The following ABCB6 variants were observed in gnomAD, a reference collection of about 807,000 sequenced individuals.
ABCB6 encodes ATP binding cassette subfamily B member 6 (LAN blood group).
A neutral mutation model predicts 99.4 loss-of-function variants in ABCB6; 87 were observed. The observed-to-expected ratio is 0.88, with a 90% CI of 0.74 to 1.05. The LOEUF is 1.05. Ranked by LOEUF, ABCB6 falls within the 50% of genes least tolerant of loss-of-function variation. ABCB6 has a pLI of 0.00. For missense variants in ABCB6, 1,050 were observed against 1,097.9 expected (o/e 0.96, Z 0.62); for synonymous variants, 482 against 447.5 (o/e 1.08, Z -0.97).
At position 219,216,243 on chromosome 2, in the gene ABCB6, A is replaced by C; in HGVS notation, c.971-63T>G. ...AGCTGAGGGACGTCAGCCCAGCACC[A>C]GGATGTGAAAGGTCTGAGAGTACAT... On this transcript the variant is annotated intron_variant, in intron 4 of 18. Transcript: ENST00000265316. This position sits in a 1 kb window ranked among gnomAD's most constrained non-coding sequence, Gnocchi z 4.2. The C allele has an allele frequency of 6.4e-7, 1 of 1,567,910 alleles. No homozygotes were observed. The highest frequency in any genetic ancestry group is 8.7e-7 in the Non-Finnish European group (1 of 1,152,240).
intron 5 of ABCB6, chr2:219,215,785 T>C: frequency 2.1e-6 from 1 of 469,154 alleles, no homozygotes; most frequent in Non-Finnish European, 3.6e-6. Context: ...TGGGAAGCTC[T>C]GAAAAAGTAA....
intron 14 of ABCB6, among the ~76,000 whole-genome samples, chr2:219,211,867 C>T (rs1278624449): frequency 6.6e-6 from 1 of 151,582 alleles, no homozygotes; most frequent in African/African-American, 2.4e-5. Context: ...GGGTTCACAC[C>T]ATTCTCCTGC....
Position 219,209,850 on chromosome 2 carries a change from C to A in ABCB6, c.*88G>T. ...CCTTACCATAGCTAGCACCATACCC[C>A]AAGACCAGGATGAAATAAGCCAGGG... On this transcript the variant is annotated 3_prime_UTR_variant, in exon 19 of 19. Coordinates refer to ENST00000265316, the MANE Select transcript of ABCB6 (RefSeq NM_005689.4). The A allele has an allele frequency of 9.5e-7, 1 of 1,051,040 alleles. No individual in the cohort carries two copies. Among genetic ancestry groups the A allele is most frequent in the South Asian group, 1.3e-5 (1 of 77,552 alleles). 65.1% of individuals were successfully genotyped at this position (1,051,040 alleles called of 1,614,324 possible). A position where few individuals can be genotyped will look rare whatever the true frequency, so the allele number is the denominator to read the frequency against.
At position 219,214,166 on chromosome 2, in the gene ABCB6, C is replaced by T. The variant is rs1950611778; in HGVS notation, c.1407G>A (p.Glu469=). 1.2e-6 allele frequency: 2 copies of T among 1,614,078 alleles called. No individual in the cohort carries two copies. Among genetic ancestry groups the T allele is most frequent in the Admixed American group, 1.7e-5 (1 of 60,010 alleles). Residue 469 remains glutamate (E), a synonymous_variant, in exon 8 of 19, where the codon GAG becomes GAA. Coordinates refer to ENST00000265316, the MANE Select transcript of ABCB6 (RefSeq NM_005689.4). The part of the protein sequence containing the change: ...NFETVKYYNA[E]SYEVERYREA... The stretch of plus-strand genomic sequence containing the variant: ...CTCGATAGCGTTCCACTTCGTAACT[C>T]TCGGCGTTGTAATACTTCACCTGAT...
At chr2:219,217,643 C>CAAA (rs370883149) in intron 2 of ABCB6, 27 bp downstream of exon 2, 18 of 1,228,740 alleles carry the variant, frequency 1.5e-5, no homozygotes, top group Middle Eastern at 2.1e-4. Flanking sequence ...ACTCCGTCTC[C>CAAA]AAAAAAAAAA....
chr2:219,210,262 G>A lies in ABCB6; in HGVS notation c.2388C>T (p.Val796=), dbSNP rs1306934416. The change falls in exon 18 of 19, where the codon GTC becomes GTT. Residue 796 remains valine, a synonymous_variant. Coordinates refer to ENST00000265316, the MANE Select transcript of ABCB6 (RefSeq NM_005689.4). Reference sequence around the variant, plus strand: ...TCTCCACGATGCAGCCATCCTTGATGACGAGGATCTGGTCAGCATTGACCA... The same window carrying A: ...TCTCCACGATGCAGCCATCCTTGATAACGAGGATCTGGTCAGCATTGACCA... ...STVVNADQIL[V]IKDGCIVERG... is the part of the protein sequence containing the mutation. 2 of 1,614,216 alleles carry A rather than the reference G, an allele frequency of 1.2e-6. No individual in the cohort carries two copies. Among genetic ancestry groups the A allele is most frequent in the East Asian group, 4.5e-5 (2 of 44,886 alleles).
rs772052388 is a variant in ABCB6, at chr2:219,212,447, C to T, written c.1908G>A (p.Leu636=). 1 of 1,614,164 alleles carries T rather than the reference C, an allele frequency of 6.2e-7. No individual in the cohort carries two copies. The highest frequency in any genetic ancestry group is 8.5e-7 in the Non-Finnish European group (1 of 1,180,022). Residue 636 remains leucine, a synonymous_variant, in exon 14 of 19, where the codon CTG becomes CTA. Coordinates refer to ENST00000265316, the MANE Select transcript of ABCB6 (RefSeq NM_005689.4). ...CAGAGCTGATGTCGTAGAAGCGAAACAGCAGGCGCAAAATTGTGCTCTTCC... is the reference window on the plus strand; with the variant it reads ...CAGAGCTGATGTCGTAGAAGCGAAATAGCAGGCGCAAAATTGTGCTCTTCC... ...GAGKSTILRL[L]FRFYDISSGC...
chr2:219,212,976 C>G, intron 13 of ABCB6, 32 bp downstream of exon 13: 1 of 1,611,892 alleles, frequency 6.2e-7, no homozygotes, highest in Non-Finnish European at 8.5e-7. Flanking sequence ...AAGCTTGAGG[C>G]ATCTGGGCCA....
Position 219,214,919 on chromosome 2 carries a change from C to T in ABCB6, c.1276+42G>A, listed in dbSNP as rs200935076. On this transcript the variant is annotated intron_variant, in intron 6 of 18. Coordinates refer to ENST00000265316, the MANE Select transcript of ABCB6 (RefSeq NM_005689.4). ...GGCACAGCTCATGGCCAAGGGAGTC[C>T]CTGGATAGTTCAGGGAGACGGTGTC... The T allele has an allele frequency of 1.2e-5, 20 of 1,612,734 alleles. No individual in the cohort carries two copies. In the African/African-American group the frequency reaches 2.5e-4, roughly 20 times the overall value.
Position 219,218,504 on chromosome 2 carries a change from G to C in ABCB6, c.170C>G (p.Ala57Gly), listed in dbSNP as rs1191876345. 1 of 1,609,382 alleles carries C rather than the reference G, an allele frequency of 6.2e-7. No homozygotes were observed. Among genetic ancestry groups the C allele is most frequent in the Non-Finnish European group, 8.5e-7 (1 of 1,178,446 alleles). The part of the protein sequence containing the change: ...ALPCRRRERP[A>G]GADSLSWGAG... ...CCCCCAAGACAGCGAATCAGCACCAGCGGGCCGCTCCCGGCGTCTGCAGGG... is the reference window on the plus strand; with the variant it reads ...CCCCCAAGACAGCGAATCAGCACCACCGGGCCGCTCCCGGCGTCTGCAGGG... The change falls in exon 1 of 19, where the codon GCT becomes GGT. Residue 57 changes from alanine (A) to glycine (G), a missense_variant. By Grantham distance (60) the Ala-to-Gly change is moderately conservative. Coordinates refer to ENST00000265316, the MANE Select transcript of ABCB6 (RefSeq NM_005689.4).
chr2:219,218,417 A>G lies in ABCB6; in HGVS notation c.257T>C (p.Leu86Pro). ...QLLLATLQAA[L>P]PLAGLAGRVG... ...CCGGCCAGCCAGGCCGGCCAGGGGC[A>G]GCGCCGCCTGAAGTGTGGCCAGAAG... Residue 86 changes from leucine to proline, a missense_variant, in exon 1 of 19, where the codon CTG becomes CCG. Physicochemically the swap from Leu to Pro is moderately conservative, Grantham distance 98. Transcript: ENST00000265316. The G allele has an allele frequency of 6.2e-7, 1 of 1,611,290 alleles. No homozygotes were observed. The highest frequency in any genetic ancestry group is 8.5e-7 in the Non-Finnish European group (1 of 1,179,088).
chr2:219,211,964 T>C (rs536956605), intron 14 of ABCB6, among the ~76,000 whole-genome samples: 9 of 152,114 alleles, frequency 5.9e-5, no homozygotes, highest in African/African-American at 2.2e-4. Flanking sequence ...GGGGTTTCAC[T>C]GTGTTAGCCA....
In ABCB6 at chr2:219,209,872, A is replaced by G. The variant is rs11538185; in HGVS notation, c.*66T>C. 12 of 1,244,482 alleles carry G rather than the reference A, an allele frequency of 9.6e-6. No homozygotes were observed. The highest frequency in any genetic ancestry group is 3.7e-4 in the Middle Eastern group (2 of 5,344). 77.1% of individuals were successfully genotyped at this position (1,244,482 alleles called of 1,614,324 possible). A position where few individuals can be genotyped will look rare whatever the true frequency, so the allele number is the denominator to read the frequency against. The stretch of plus-strand genomic sequence containing the variant: ...CCCCAAGACCAGGATGAAATAAGCC[A>G]GGGAAAGGAGACACATCTTATTCCC... On this transcript the variant is annotated 3_prime_UTR_variant, in exon 19 of 19. Transcript: ENST00000265316.
At position 219,210,697 on chromosome 2, in the gene ABCB6, G is replaced by A. The variant is rs750228270; in HGVS notation, c.2256+14C>T. ...ACACAAGGCAGGAAGGAGGGGAGGA[G>A]ACCCAGGGCGCACCTCATCCAGCAG... On this transcript the variant is annotated intron_variant, in intron 16 of 18. Transcript: ENST00000265316. 3.1e-6 allele frequency: 5 copies of A among 1,613,390 alleles called. No homozygotes were observed. In the South Asian group the frequency reaches 4.4e-5, roughly 14 times the overall value.
At chr2:219,213,697 C>G in intron 9 of ABCB6, 31 bp from the exon 10 acceptor site, 1 of 1,613,910 alleles carries the variant, frequency 6.2e-7, no homozygotes, top group Non-Finnish European at 8.5e-7. Flanking sequence ...GAGCATGTCA[C>G]GGGGGGCCTG....
chr2:219,210,111 C>T (rs1470935775), intron 18 of ABCB6, 65 bp from the exon 19 acceptor site: 4 of 1,597,508 alleles, frequency 2.5e-6, no homozygotes, highest in Non-Finnish European at 3.4e-6. Flanking sequence ...TTGCCACCAG[C>T]CCACAGAGAG....
At chr2:219,213,192 C>T in intron 12 of ABCB6, 49 bp downstream of exon 12, 1 of 1,608,808 alleles carries the variant, frequency 6.2e-7, no homozygotes, top group South Asian at 1.1e-5. Flanking sequence ...AGCAGGAAGG[C>T]AGTGTGCAAA....
At position 219,210,028 on chromosome 2, in the gene ABCB6, G is replaced by A; in HGVS notation, c.2439C>T (p.Ser813=). 6.2e-7 allele frequency: 1 copy of A among 1,614,006 alleles called. No homozygotes were observed. The highest frequency in any genetic ancestry group is 8.5e-7 in the Non-Finnish European group (1 of 1,179,998). The stretch of plus-strand genomic sequence containing the variant: ...ACATGTCAGCATACACCCCACCTCG[G>A]GACAACAGAGCCTCGTGTCTGGGGT... ...VERGRHEALL[S]RGGVYADMWQ... Residue 813 remains serine, a synonymous_variant, in exon 19 of 19, where the codon TCC becomes TCT. Coordinates refer to ENST00000265316, the MANE Select transcript of ABCB6 (RefSeq NM_005689.4).
rs771550880 is a variant in ABCB6, at chr2:219,211,097, G to C, written c.1980C>G (p.Ala660=). The C allele has an allele frequency of 3.7e-6, 6 of 1,614,122 alleles. No homozygotes were observed. In the South Asian group the frequency reaches 5.5e-5, roughly 15 times the overall value. Residue 660 remains alanine, a synonymous_variant, in exon 15 of 19, where the codon GCC becomes GCG. Coordinates refer to ENST00000265316, the MANE Select transcript of ABCB6 (RefSeq NM_005689.4). ...DGQDISQVTQ[A]SLRSHIGVVP... ...CAACTCCAATGTGAGACCGGAGAGA[G>C]GCCTGGGTCACCTAGGGCCAAAAGA...
Sources: allele counts gnomAD v4.1 joint callset (sites outside exome capture counted in the v4.1 genomes callset), GRCh38; gene constraint gnomAD v4.1.1; non-coding constraint Gnocchi (gnomAD v3.1); transcripts MANE v1.5; gene names NCBI Gene and HGNC (gene_info 2026-07-23, HGNC 2026-07-21).